The following ANKFN1 variants were observed in gnomAD, a reference collection of about 807,000 sequenced individuals.
ANKFN1 encodes the protein ankyrin repeat and fibronectin type III domain containing 1, also known as ankyrin repeat and fibronectin type-III domain-containing protein 1.
ANKFN1 carries 74 observed loss-of-function variants against 108.7 expected under a neutral mutation model. The observed-to-expected ratio is 0.68, with a 90% CI of 0.56 to 0.83. The LOEUF (loss-of-function observed/expected upper bound fraction) is 0.83, where lower values mean the gene tolerates loss of function less well. Among genes scored for constraint, ANKFN1 ranks in the 40% least tolerant of loss-of-function variants. The pLI is 0.00. For missense variants in ANKFN1, 1,505 were observed against 1,382.3 expected (o/e 1.09, Z -1.41); for synonymous variants, 547 against 516.2 (o/e 1.06, Z -0.81).
intron 1 of ANKFN1, among the ~76,000 whole-genome samples, chr17:56,170,805 TATAC>T (rs1426729977): frequency 2.8e-3 from 204 of 72,130 alleles, no homozygotes; most frequent in African/African-American, 0.011. Flanking sequence ...TATATATATA[TATAC>T]ACACACACAC....
At position 56,440,352 on chromosome 17, in the gene ANKFN1, T is replaced by C; in HGVS notation, c.936T>C (p.Phe312=). The part of the protein sequence containing the change: ...YKVEWSMSED[F]SPLAGEIIMD... ...TGGAATGGAGTATGTCCGAAGACTT[T>C]TCTCCTTTGGCTGGAGAAATCATCA... is the stretch of plus-strand genomic sequence containing the variant. The change falls in exon 9 of 21, where the codon TTT becomes TTC. Residue 312 remains phenylalanine (F), a synonymous_variant. Coordinates refer to ENST00000682825, the MANE Select transcript of ANKFN1 (RefSeq NM_001370326.1). 6.2e-7 allele frequency: 1 copy of C among 1,612,718 alleles called. No individual in the cohort carries two copies. Among genetic ancestry groups the C allele is most frequent in the South Asian group, 1.1e-5 (1 of 90,938 alleles).
Position 56,372,726 on chromosome 17 carries a change from C to T in ANKFN1, c.682C>T (p.Gln228Ter). 6.2e-7 allele frequency: 1 copy of T among 1,613,952 alleles called. No homozygotes were observed. Among genetic ancestry groups the T allele is most frequent in the Non-Finnish European group, 8.5e-7 (1 of 1,179,958 alleles). ...AQERVSELSA[Q>*]VENEGFTLDN... ...GGAGAGGGTGAGTGAACTGTCTGCCCAGGTGGAGAATGAAGGATTCACTCT... is the reference window on the plus strand; with the variant it reads ...GGAGAGGGTGAGTGAACTGTCTGCCTAGGTGGAGAATGAAGGATTCACTCT... The change falls in exon 7 of 21, where the codon CAG becomes TAG. Residue 228 changes from glutamine to a stop codon, truncating the protein, a stop_gained. Coordinates refer to ENST00000682825, the MANE Select transcript of ANKFN1 (RefSeq NM_001370326.1). LOFTEE classifies it high-confidence loss of function.
intron 1 of ANKFN1, among the ~76,000 whole-genome samples, chr17:56,172,578 T>C (rs963505008): frequency 1.3e-5 from 2 of 152,122 alleles, no homozygotes; most frequent in Non-Finnish European, 2.9e-5. Flanking sequence ...AGAGCTCTTA[T>C]TGGTCCCAAG....
intron 4 of ANKFN1, among the ~76,000 whole-genome samples, chr17:56,098,408 A>G (rs1438934597): frequency 2.7e-5 from 4 of 146,736 alleles, no homozygotes; most frequent in African/African-American, 8.2e-5. Context: ...TGCTACACAC[A>G]TACACACAAA....
chr17:56,377,886 C>A (rs949876724), intron 8 of ANKFN1, among the ~76,000 whole-genome samples: 1 of 151,972 alleles, frequency 6.6e-6, no homozygotes, highest in Non-Finnish European at 1.5e-5. Flanking sequence ...AGTGGCCACA[C>A]CTTGGGGTTT....
At position 56,515,741 on chromosome 17, in the gene ANKFN1, C is replaced by T. The variant is rs1369730042; in HGVS notation, c.*4472C>T. Among the ~76,000 whole-genome samples, 2 of 152,124 alleles carry T rather than the reference C, an allele frequency of 1.3e-5. No homozygotes were observed. Among genetic ancestry groups the T allele is most frequent in the African/African-American group, 4.8e-5 (2 of 41,428 alleles). On this transcript the variant is annotated 3_prime_UTR_variant, in exon 21 of 21. Transcript: ENST00000682825. ...ACTGTTTATGAAGCACTGATTTTGC[C>T]ATATTTCGGGTCTCTGCTTTTTCCA...
At position 56,516,257 on chromosome 17, in the gene ANKFN1, AGTG is replaced by A. The variant is rs1229595550; in HGVS notation, c.*4989_*4991del. Among the ~76,000 whole-genome samples, 15 of 148,362 alleles carry A rather than the reference AGTG, an allele frequency of 1.0e-4. No individual in the cohort carries two copies. The highest frequency in any genetic ancestry group is 5.9e-4 in the East Asian group (3 of 5,090). Reference sequence around the variant, plus strand: ...GTTTGATGTTTGTGATTTTTAAAAAAGTGTGTGTGTGTGTGTGTGTGTGTGCGT... The same window carrying A: ...GTTTGATGTTTGTGATTTTTAAAAAATGTGTGTGTGTGTGTGTGTGTGCGT... On this transcript the variant is annotated 3_prime_UTR_variant, in exon 21 of 21. Transcript: ENST00000682825.
At chr17:56,124,882 T>C (rs1352937437) in intron 4 of ANKFN1, among the ~76,000 whole-genome samples, 2 of 152,348 alleles carry the variant, frequency 1.3e-5, no homozygotes, top group East Asian at 3.9e-4. Flanking sequence ...GGTCTCCGTG[T>C]GACCTCCTGA....
chr17:56,198,776 A>G (rs1322898395), intron 1 of ANKFN1, among the ~76,000 whole-genome samples: 1 of 152,110 alleles, frequency 6.6e-6, no homozygotes, highest in Non-Finnish European at 1.5e-5. Context: ...GAGATGTTTC[A>G]GACACCTGGG....
intron 8 of ANKFN1, among the ~76,000 whole-genome samples, chr17:56,406,343 C>A (rs987691336): frequency 1.3e-5 from 2 of 152,054 alleles, no homozygotes; most frequent in African/African-American, 2.4e-5. Flanking sequence ...CTAAAATGGG[C>A]AAATTATTTC....
intron 4 of ANKFN1, among the ~76,000 whole-genome samples, chr17:56,053,553 A>G (rs924394576): frequency 2.0e-5 from 3 of 152,110 alleles, no homozygotes; most frequent in Non-Finnish European, 4.4e-5. Context: ...CCATTCATCT[A>G]TTGATGGACA....
At chr17:56,373,528 AAAAAAATTAGGCTGG>A (rs1251237562) in intron 7 of ANKFN1, among the ~76,000 whole-genome samples, 1 of 152,238 alleles carries the variant, frequency 6.6e-6, no homozygotes, top group African/African-American at 2.4e-5. Context: ...AAACAACAAC[AAAAAAATTAGGCTGG>A]AAATTTTAAA....
chr17:56,072,501 C>T (rs1905132259), intron 4 of ANKFN1, among the ~76,000 whole-genome samples: 1 of 152,152 alleles, frequency 6.6e-6, no homozygotes, highest in Non-Finnish European at 1.5e-5. Flanking sequence ...CCCAGAACCC[C>T]CGTTCATGAG....
At chr17:56,257,604 C>T (rs1260373224) in intron 3 of ANKFN1, among the ~76,000 whole-genome samples, 4 of 152,156 alleles carry the variant, frequency 2.6e-5, no homozygotes, top group African/African-American at 9.7e-5. Flanking sequence ...TCACAGTCAC[C>T]GACCCTCCAG....
intron 3 of ANKFN1, among the ~76,000 whole-genome samples, chr17:56,304,049 A>G (rs576244304): frequency 1.3e-5 from 2 of 152,064 alleles, no homozygotes; most frequent in South Asian, 2.1e-4. Context: ...CTTCCATCCA[A>G]TGATAACAGT....
chr17:56,273,678 A>G lies in ANKFN1; in HGVS notation c.53+45721A>G, dbSNP rs1386214377. On this transcript the variant is annotated intron_variant, in intron 3 of 20. Coordinates refer to ENST00000682825, the MANE Select transcript of ANKFN1 (RefSeq NM_001370326.1). ...TAAAAAAGATATAAAGAAAAAACTAAAAGTATAAAAATGTTTAAGTTCCTA... is the reference window on the plus strand; with the variant it reads ...TAAAAAAGATATAAAGAAAAAACTAGAAGTATAAAAATGTTTAAGTTCCTA... Among the ~76,000 whole-genome samples the G allele has an allele frequency of 4.6e-5, 7 of 152,240 alleles. 1 individual carries two copies. Among genetic ancestry groups the G allele is most frequent in the Admixed American group, 4.6e-4 (7 of 15,280 alleles).
In ANKFN1 at chr17:56,437,973, GGTGT is replaced by G. The variant is rs150040769; in HGVS notation, c.911-2323_911-2320del. Reference sequence around the variant, plus strand: ...GTGTTGGAAAAACTAATCTACTGTAGGTGTGTGTGTGTGTGTGTGTGTGTGTGTG... The same window carrying G: ...GTGTTGGAAAAACTAATCTACTGTAGGTGTGTGTGTGTGTGTGTGTGTGTG... On this transcript the variant is annotated intron_variant, in intron 8 of 20. Transcript: ENST00000682825. 3.7e-3 allele frequency among the ~76,000 whole-genome samples: 521 copies of G among 142,272 alleles called. 5 individuals are homozygous for G. Among genetic ancestry groups the G allele is most frequent in the African/African-American group, 0.011 (399 of 37,650 alleles). The allele number at this position is 142,272 out of a possible 152,430, so 93.3% of individuals were successfully genotyped here.
At chr17:56,239,415 G>A (rs1014373226) in intron 3 of ANKFN1, among the ~76,000 whole-genome samples, 2 of 152,100 alleles carry the variant, frequency 1.3e-5, no homozygotes, top group Non-Finnish European at 2.9e-5. Context: ...AAGGACAAAT[G>A]TTTGAGATGA....
intron 1 of ANKFN1, among the ~76,000 whole-genome samples, chr17:56,199,403 T>G (rs1467969720): frequency 6.6e-6 from 1 of 152,182 alleles, no homozygotes; most frequent in East Asian, 1.9e-4. Flanking sequence ...CTGAAAATAA[T>G]GATTTTCTTT....
Sources: allele counts gnomAD v4.1 joint callset (sites outside exome capture counted in the v4.1 genomes callset), GRCh38; gene constraint gnomAD v4.1.1; transcripts MANE v1.5; gene names NCBI Gene and HGNC (gene_info 2026-07-23, HGNC 2026-07-21).